The following ANO6 variants were observed in gnomAD, a reference collection of about 807,000 sequenced individuals.
ANO6 encodes anoctamin 6, also known as anoctamin-6.
ANO6 carries 106 observed loss-of-function variants against 117.5 expected under a neutral mutation model. The observed-to-expected ratio is 0.90, with a 90% CI of 0.77 to 1.06. ANO6 has a LOEUF of 1.06. Among genes scored for constraint, ANO6 ranks in the 50% least tolerant of loss-of-function variants. The pLI, the probability that ANO6 is intolerant of heterozygous loss-of-function variation, is 0.00. For synonymous variants in ANO6, 367 were observed against 385.1 expected, an observed-to-expected ratio of 0.95 and a Z score of 0.55; for missense variants, 955 against 1,121.1, an observed-to-expected ratio of 0.85 and a Z score of 2.12.
chr12:45,364,501 G>A lies in ANO6; in HGVS notation c.999-3187G>A, dbSNP rs561273367. ...GTTCCTTTGTCCTCATTCCTTTTTT[G>A]TTCCATTTCTCAGATTGGATAATTT... On this transcript the variant is annotated intron_variant, in intron 8 of 19. Coordinates refer to ENST00000320560, the MANE Select transcript of ANO6 (RefSeq NM_001025356.3). 4.0e-5 allele frequency among the ~76,000 whole-genome samples: 6 copies of A among 151,860 alleles called. No individual in the cohort carries two copies. In the South Asian group the frequency reaches 6.3e-4, roughly 16 times the overall value.
At position 45,305,884 on chromosome 12, in the gene ANO6, G is replaced by C. The variant is rs150243986; in HGVS notation, c.150+3791G>C. 4.8e-3 allele frequency among the ~76,000 whole-genome samples: 724 copies of C among 152,160 alleles called. 8 individuals are homozygous for C. The highest frequency in any genetic ancestry group is 0.016 in the African/African-American group (684 of 41,524). On this transcript the variant is annotated intron_variant, in intron 2 of 19. Transcript: ENST00000320560. ...TCATGGCGGGCCCATTAGACCCCAGGTTGATTCCAAGCCCCAAGGAGTTGA... is the reference window on the plus strand; with the variant it reads ...TCATGGCGGGCCCATTAGACCCCAGCTTGATTCCAAGCCCCAAGGAGTTGA...
chr12:45,233,133 G>A (rs972145167), intron 1 of ANO6, among the ~76,000 whole-genome samples: 9 of 152,112 alleles, frequency 5.9e-5, no homozygotes, highest in South Asian at 4.1e-4. Context: ...ACCTGACTTC[G>A]GCTGGGAGTC....
intron 1 of ANO6, among the ~76,000 whole-genome samples, chr12:45,243,415 T>C (rs904557681): frequency 6.6e-6 from 1 of 152,256 alleles, no homozygotes; most frequent in African/African-American, 2.4e-5. Flanking sequence ...CTTCTAAAAT[T>C]ACCACTTTCT....
intron 2 of ANO6, among the ~76,000 whole-genome samples, chr12:45,317,393 T>C (rs572252322): frequency 6.7e-6 from 1 of 150,348 alleles, no homozygotes; most frequent in South Asian, 2.1e-4. Context: ...GTCCTTGCGA[T>C]AGTTTGCTGA....
intron 12 of ANO6, among the ~76,000 whole-genome samples, chr12:45,393,325 C>A (rs1942509408): frequency 6.6e-6 from 1 of 152,106 alleles, no homozygotes; most frequent in Non-Finnish European, 1.5e-5. Context: ...AACAAAGCCT[C>A]CAAGAAATAT....
chr12:45,288,570 A>G (rs1456606511), intron 1 of ANO6, among the ~76,000 whole-genome samples: 1 of 151,860 alleles, frequency 6.6e-6, no homozygotes, highest in African/African-American at 2.4e-5. Flanking sequence ...ATATGTTTGA[A>G]TTTTCTTCCT....
rs1943352842 is a variant in ANO6 at position 45,421,164 on chromosome 12, A to G, written c.2311A>G (p.Thr771Ala). The G allele has an allele frequency of 1.9e-6, 3 of 1,614,060 alleles. No homozygotes were observed. The highest frequency in any genetic ancestry group is 2.5e-6 in the Non-Finnish European group (3 of 1,179,950). Residue 771 changes from threonine to alanine, a missense_variant, in exon 18 of 20, where the codon ACC becomes GCC. Thr to Ala is a moderately conservative substitution (Grantham distance 58). Transcript: ENST00000320560. ...TCCCTACGGGGACCACACTTCCTAC[A>G]CCATGGAAGGGTACATCAACAACAC... ...VPPYGDHTSYTMEGYINNTLS... is the reference protein window; with the variant it reads ...VPPYGDHTSYAMEGYINNTLS...
At chr12:45,399,128 G>A (rs1232107378) in intron 12 of ANO6, among the ~76,000 whole-genome samples, 1 of 152,190 alleles carries the variant, frequency 6.6e-6, no homozygotes, top group African/African-American at 2.4e-5. Context: ...CTTCCTTGTG[G>A]TAGCAGAATG....
intron 8 of ANO6, among the ~76,000 whole-genome samples, chr12:45,359,888 A>G (rs57985291): frequency 0.08 from 12,246 of 152,228 alleles, 786 homozygotes; most frequent in African/African-American, 0.17. Flanking sequence ...GTGACTGCAT[A>G]TTCCACCTGC....
intron 1 of ANO6, among the ~76,000 whole-genome samples, chr12:45,268,318 C>G (rs1445310238): frequency 6.6e-6 from 1 of 152,012 alleles, no homozygotes; most frequent in East Asian, 1.9e-4. Context: ...GTTAGGATTC[C>G]AAGACCAGCC....
chr12:45,295,511 G>C (rs1483565367), intron 1 of ANO6, among the ~76,000 whole-genome samples: 2 of 152,142 alleles, frequency 1.3e-5, no homozygotes, highest in Non-Finnish European at 2.9e-5. Context: ...ACGGGAAATG[G>C]TGGGCCCTGT....
Position 45,403,197 on chromosome 12 carries a change from C to G in ANO6, c.1738C>G (p.Pro580Ala). 1 of 1,613,898 alleles carries G rather than the reference C, an allele frequency of 6.2e-7. No individual in the cohort carries two copies. Among genetic ancestry groups the G allele is most frequent in the Non-Finnish European group, 8.5e-7 (1 of 1,179,896 alleles). Residue 580 changes from proline (P) to alanine (A), a missense_variant, in exon 14 of 20, where the codon CCA becomes GCA. By Grantham distance (27) the Pro-to-Ala change is conservative (BLOSUM62 -1). Coordinates refer to ENST00000320560, the MANE Select transcript of ANO6 (RefSeq NM_001025356.3). ...CTTTAAGGGCAAATTTGTAGGCTATCCAGGAGACCCAGTTTATTGGTTGGG... is the reference window on the plus strand; with the variant it reads ...CTTTAAGGGCAAATTTGTAGGCTATGCAGGAGACCCAGTTTATTGGTTGGG... ...AFFKGKFVGY[P>A]GDPVYWLGKY...
intron 12 of ANO6, among the ~76,000 whole-genome samples, chr12:45,397,271 G>C (rs971889225): frequency 2.0e-5 from 3 of 152,132 alleles, no homozygotes; most frequent in African/African-American, 7.2e-5. Flanking sequence ...AGAAATGCAA[G>C]TCAGAACCAC....
chr12:45,415,050 G>A (rs1278233212), intron 16 of ANO6, among the ~76,000 whole-genome samples: 3 of 151,604 alleles, frequency 2.0e-5, no homozygotes, highest in African/African-American at 4.9e-5. Flanking sequence ...TAGCTGCCAT[G>A]CCTGGCTGAC....
intron 12 of ANO6, among the ~76,000 whole-genome samples, chr12:45,399,432 G>A (rs570136581): frequency 6.6e-6 from 1 of 152,200 alleles, no homozygotes. Flanking sequence ...CTGACCTCAT[G>A]ATCTGCCCGC....
chr12:45,401,678 C>A, intron 12 of ANO6, 117 bp from the exon 13 acceptor site: 1 of 868,022 alleles, frequency 1.2e-6, no homozygotes, highest in Non-Finnish European at 1.9e-6. Flanking sequence ...GCTGGTATCA[C>A]TTATGTGAGA....
At chr12:45,234,566 T>G (rs1317698991) in intron 1 of ANO6, among the ~76,000 whole-genome samples, 2 of 152,228 alleles carry the variant, frequency 1.3e-5, no homozygotes, top group Non-Finnish European at 2.9e-5. Context: ...TTCAGGCCCC[T>G]TTTCCAAGTT....
At chr12:45,400,847 G>A (rs978422060) in intron 12 of ANO6, among the ~76,000 whole-genome samples, 6 of 152,112 alleles carry the variant, frequency 3.9e-5, no homozygotes, top group Non-Finnish European at 7.3e-5. Context: ...CTGTCATCAC[G>A]AGCAGTCACA....
chr12:45,284,462 T>C (rs1220819518), intron 1 of ANO6, among the ~76,000 whole-genome samples: 2 of 152,326 alleles, frequency 1.3e-5, no homozygotes, highest in African/African-American at 4.8e-5. Context: ...GATTGAGAGA[T>C]ACGCGGGCAG....
Sources: allele counts gnomAD v4.1 joint callset (sites outside exome capture counted in the v4.1 genomes callset), GRCh38; gene constraint gnomAD v4.1.1; transcripts MANE v1.5; gene names NCBI Gene and HGNC (gene_info 2026-07-23, HGNC 2026-07-21).